Variants in NEB observed in about 807,000 individuals in gnomAD.
The protein encoded by NEB is nemaline myopathy type 2.
NEB carries 512 observed loss-of-function variants against 952.2 expected under a neutral mutation model. The ratio of observed to expected loss-of-function variants is 0.54; its 90% CI spans 0.50 to 0.58. The LOEUF (loss-of-function observed/expected upper bound fraction) is 0.58. Among genes scored for constraint, NEB ranks in the 20% least tolerant of loss-of-function variants. The pLI is 0.00. For missense variants in NEB, 8,428 were observed against 9,231.1 expected (o/e 0.91, Z 3.56); for synonymous variants, 2,900 against 3,149.8 (o/e 0.92, Z 2.66).
rs896028175 is a variant in NEB at position 151,687,717 on chromosome 2, T to A, written c.2432A>T (p.Asp811Val). 14 of 1,588,252 alleles carry A rather than the reference T, an allele frequency of 8.8e-6. No homozygotes were observed. Among genetic ancestry groups the A allele is most frequent in the Non-Finnish European group, 1.2e-5 (14 of 1,166,188 alleles). Residue 811 changes from aspartate to valine, a missense_variant, in exon 26 of 182, where the codon GAC (aspartate) becomes GTC (valine). Asp to Val is a radical substitution (Grantham distance 152, BLOSUM62 -3). This residue lies in a region of NEB where 2,851 missense variants were observed against 2,791.5 expected (regional missense o/e 1.02). Transcript: ENST00000397345. ...CTTCTTGGCTTTGCTCTTCTCCCAG[T>A]CTTGCTTATAAACATTCTGGACAAG... ...YNLSDNVYKQ[D>V]WEKSKAKKFD...
At chr2:151,547,829 AAG>A in intron 131 of NEB, 91 bp from the exon 132 acceptor site, 1 of 812,404 alleles carries the variant, frequency 1.2e-6, no homozygotes, top group South Asian at 1.8e-5. Flanking sequence ...TTACATAAGG[AAG>A]AGGGGAGGAA....
At chr2:151,554,163 AT>A in intron 125 of NEB, 138 bp from the exon 126 acceptor site, 1 of 748,300 alleles carries the variant, frequency 1.3e-6, no homozygotes, top group South Asian at 1.8e-5. Flanking sequence ...GACATTTTCT[AT>A]AGATTAACAC....
chr2:151,678,840 G>C (rs1183666586), intron 32 of NEB, among the ~76,000 whole-genome samples: 11 of 152,100 alleles, frequency 7.2e-5, no homozygotes, highest in Non-Finnish European at 1.6e-4. Flanking sequence ...ACAGAGAAAG[G>C]GGGTGGGTGA....
Position 151,618,357 on chromosome 2 carries a change from C to T in NEB, c.10994G>A (p.Arg3665His), listed in dbSNP as rs755314719. Reference sequence around the variant, plus strand: ...ACTGGTAAATTTCAGCGTTTCTGGACGCTGACGGTAGATAGTATCACTAAG... The same window carrying T: ...ACTGGTAAATTTCAGCGTTTCTGGATGCTGACGGTAGATAGTATCACTAAG... Reference protein sequence around the residue: ...ELLSDTIYRQRPETLKFTSIT... With the variant: ...ELLSDTIYRQHPETLKFTSIT... The change falls in exon 74 of 182, where the codon CGT becomes CAT. Residue 3665 changes from arginine (R) to histidine (H), a missense_variant. This residue lies in a region of NEB where 1,772 missense variants were observed against 1,960.3 expected (regional missense o/e 0.90). Coordinates refer to ENST00000397345, the MANE Select transcript of NEB (RefSeq NM_001164508.2). 13 of 1,613,858 alleles carry T rather than the reference C, an allele frequency of 8.1e-6. No homozygotes were observed. The Admixed American group carries it at 8.3e-5, about 10-fold the overall frequency.
rs4410290 is a variant in NEB at position 151,704,516 on chromosome 2, C to T, written c.1152+2365G>A. On this transcript the variant is annotated intron_variant, in intron 13 of 181. Transcript: ENST00000397345. ...GCTGTGCTAGCAATCAGCGAGACTC[C>T]GTGGGCGTAGGACCCTCCGAGCCAG... Among the ~76,000 whole-genome samples the T allele has an allele frequency of 3.8e-3, 573 of 151,864 alleles. 5 individuals are homozygous for T. Among genetic ancestry groups the T allele is most frequent in the East Asian group, 0.031 (159 of 5,174 alleles).
At position 151,733,422 on chromosome 2, in the gene NEB, A is replaced by T. The variant is rs117455474; in HGVS notation, c.-29-237T>A. On this transcript the variant is annotated intron_variant, in intron 2 of 181. Coordinates refer to ENST00000397345, the MANE Select transcript of NEB (RefSeq NM_001164508.2). ...CTACTTCTACATAATCAGTTTAGTTAAAATTGTAAAACGAAATTGAGGTAA... is the reference window on the plus strand; with the variant it reads ...CTACTTCTACATAATCAGTTTAGTTTAAATTGTAAAACGAAATTGAGGTAA... Among the ~76,000 whole-genome samples, 582 of 152,334 alleles carry T rather than the reference A, an allele frequency of 3.8e-3. 10 individuals carry two copies. In the East Asian group the frequency reaches 0.057, roughly 15 times the overall value.
At chr2:151,651,011 A>C in intron 52 of NEB, 126 bp from the exon 53 acceptor site, 3 of 895,104 alleles carry the variant, frequency 3.4e-6, no homozygotes, top group South Asian at 2.1e-5. Flanking sequence ...CTGGTCTTGA[A>C]CTCCCAGGCC....
Position 151,692,273 on chromosome 2 carries a change from C to T in NEB, c.1986G>A (p.Lys662=). 6.2e-7 allele frequency: 1 copy of T among 1,613,782 alleles called. No homozygotes were observed. Among genetic ancestry groups the T allele is most frequent in the Non-Finnish European group, 8.5e-7 (1 of 1,179,744 alleles). Residue 662 remains lysine (K), a synonymous_variant, in exon 21 of 182, where the codon AAG becomes AAA. Coordinates refer to ENST00000397345, the MANE Select transcript of NEB (RefSeq NM_001164508.2). The part of the protein sequence containing the change: ...TPKYQLDTQL[K]NFSEARYKDL... ...TGGCTTTTCGAACCTCACTGAAGTT[C>T]TTCAGCTGAGTATCAAGTTGATATT... is the stretch of plus-strand genomic sequence containing the variant.
intron 13 of NEB, among the ~76,000 whole-genome samples, chr2:151,705,355 T>C (rs1241090382): frequency 6.6e-6 from 1 of 152,232 alleles, no homozygotes; most frequent in Non-Finnish European, 1.5e-5. Context: ...TCATGTTTAA[T>C]ATTTTTATAT....
At chr2:151,519,599 A>G (rs2080535753) in intron 154 of NEB, 59 bp downstream of exon 154, 4 of 1,293,212 alleles carry the variant, frequency 3.1e-6, no homozygotes, top group Non-Finnish European at 4.5e-6. Context: ...TGCACACTTA[A>G]AAACAGTTAA....
intron 107 of NEB, 101 bp from the exon 108 acceptor site, chr2:151,570,702 C>T: frequency 9.5e-7 from 1 of 1,056,750 alleles, no homozygotes; most frequent in Non-Finnish European, 1.4e-6. Flanking sequence ...TTTTGAAGCC[C>T]AAGGACTTGA....
Position 151,519,729 on chromosome 2 carries a change from T to C in NEB, c.22519A>G (p.Thr7507Ala), listed in dbSNP as rs371178078. Residue 7507 changes from threonine to alanine, a missense_variant, in exon 154 of 182, where the codon ACA (threonine) becomes GCA (alanine). By Grantham distance (58) the Thr-to-Ala change is moderately conservative. Transcript: ENST00000397345. Reference protein sequence around the residue: ...RENFDKEKGKTPKYNPKDSQL... With the variant: ...RENFDKEKGKAPKYNPKDSQL... ...CTGTCTTTTGGATTGTATTTTGGTG[T>C]CTTGCCCTTTTCTTTATCGAAATTT... 2.5e-6 allele frequency: 4 copies of C among 1,613,182 alleles called. No individual in the cohort carries two copies. The highest frequency in any genetic ancestry group is 3.4e-6 in the Non-Finnish European group (4 of 1,179,370).
intron 13 of NEB, among the ~76,000 whole-genome samples, chr2:151,702,866 C>T (rs1374901314): frequency 6.6e-6 from 1 of 151,994 alleles, no homozygotes; most frequent in Non-Finnish European, 1.5e-5. Flanking sequence ...AGTCCATTTA[C>T]ATTTAAAGTT....
At chr2:151,639,500 A>G in intron 62 of NEB, 116 bp from the exon 63 acceptor site, 1 of 743,752 alleles carries the variant, frequency 1.3e-6, no homozygotes, top group Admixed American at 3.3e-5. Context: ...TTTTATACAC[A>G]TTATGTGTTT....
rs184116327 is a variant in NEB, at chr2:151,632,164, T to A, written c.9415-818A>T. Reference sequence around the variant, plus strand: ...ATATTTTTCTCACTTTATTAAAAAATTTTTTTTTGCTGAAGGTTTTTATAT... The same window carrying A: ...ATATTTTTCTCACTTTATTAAAAAAATTTTTTTTGCTGAAGGTTTTTATAT... On this transcript the variant is annotated intron_variant, in intron 65 of 181. Coordinates refer to ENST00000397345, the MANE Select transcript of NEB (RefSeq NM_001164508.2). 5.0e-3 allele frequency among the ~76,000 whole-genome samples: 760 copies of A among 151,860 alleles called. 5 individuals carry two copies. Among genetic ancestry groups the A allele is most frequent in the African/African-American group, 0.016 (682 of 41,468 alleles).
chr2:151,506,265 A>G lies in NEB; in HGVS notation c.23557-7T>C. ...CATCCTCTTTATATAAAACCTGGGCATTCAGAATCAGGACAGTGTTAACAC... is the reference window on the plus strand; with the variant it reads ...CATCCTCTTTATATAAAACCTGGGCGTTCAGAATCAGGACAGTGTTAACAC... On this transcript the variant is annotated splice_region_variant and splice_polypyrimidine_tract_variant and intron_variant, in intron 163 of 181. Coordinates refer to ENST00000397345, the MANE Select transcript of NEB (RefSeq NM_001164508.2). The G allele has an allele frequency of 6.3e-7, 1 of 1,599,796 alleles. No individual in the cohort carries two copies. The highest frequency in any genetic ancestry group is 8.6e-7 in the Non-Finnish European group (1 of 1,167,120).
At chr2:151,657,574 C>T (rs1361954632) in intron 48 of NEB, among the ~76,000 whole-genome samples, 1 of 152,172 alleles carries the variant, frequency 6.6e-6, no homozygotes, top group Admixed American at 6.5e-5. Flanking sequence ...ATTATTTACT[C>T]ATCAACTATC....
At chr2:151,535,659 A>G in intron 142 of NEB, 32 bp downstream of exon 142, 1 of 1,355,000 alleles carries the variant, frequency 7.4e-7, no homozygotes, top group South Asian at 1.3e-5. Flanking sequence ...GGAATTGAAT[A>G]GGCTTAATTG....
chr2:151,534,280 A>G lies in NEB; in HGVS notation c.21313-734T>C, dbSNP rs766163199. 1.4e-5 allele frequency: 22 copies of G among 1,613,654 alleles called. No homozygotes were observed. The highest frequency in any genetic ancestry group is 1.8e-5 in the Non-Finnish European group (21 of 1,179,788). The stretch of plus-strand genomic sequence containing the variant: ...CTAGGCTCATCGACTACCAGGTGGT[A>G]TTTATCTTTCCGCTGCTCATAATCA... On this transcript the variant is annotated intron_variant, in intron 142 of 181. Coordinates refer to ENST00000397345, the MANE Select transcript of NEB (RefSeq NM_001164508.2).
Sources: gnomAD v4.1 joint callset for allele counts (sites outside exome capture counted in the v4.1 genomes callset) on GRCh38, gnomAD v4.1.1 for gene constraint, gnomAD v4.1.1 regional missense constraint, MANE v1.5 for transcripts, NCBI Gene and HGNC (gene_info 2026-07-23, HGNC 2026-07-21) for gene names.